Variants in SMG7 observed in about 807,000 individuals in gnomAD.
The protein encoded by SMG7 is nonsense-mediated mRNA decay factor SMG7.
A neutral mutation model predicts 148.2 loss-of-function variants in SMG7; 34 were observed. The observed-to-expected ratio is 0.23, with a 90% CI of 0.17 to 0.31. SMG7 has a LOEUF of 0.31. SMG7 is among the 10% of genes least tolerant of loss of function. The probability of loss-of-function intolerance (pLI) is 1.00; values close to 1 mark genes in which losing one functional copy is unlikely to be tolerated. For synonymous variants in SMG7, 492 were observed against 515.1 expected, an observed-to-expected ratio of 0.96 and a Z score of 0.61; for missense variants, 1,114 against 1,408.4, an observed-to-expected ratio of 0.79 and a Z score of 3.35.
rs545891663 is a variant in SMG7, at chr1:183,508,108, CTGTA to C, written c.30-4726_30-4723del. On this transcript the variant is annotated intron_variant, in intron 1 of 22. Coordinates refer to ENST00000688051, the MANE Select transcript of SMG7 (RefSeq NM_001375584.1). ...AAAACATTTTAAAGTTCTTGCCTCT[CTGTA>C]TGAGCATTGGCTGTAAACTTCAATG... 3,108 of 961,024 alleles carry C rather than the reference CTGTA, an allele frequency of 3.2e-3. 7 individuals carry two copies. Among genetic ancestry groups the C allele is most frequent in the Non-Finnish European group, 3.6e-3 (2,886 of 807,818 alleles). The allele number at this position is 961,024 out of a possible 1,614,324, so 59.5% of individuals were successfully genotyped here. A position where few individuals can be genotyped will look rare whatever the true frequency, so the allele number is the denominator to read the frequency against.
In SMG7 at chr1:183,553,216, A is replaced by G. The variant is rs1671335320; in HGVS notation, c.*1285A>G. ...AAGGAAAATAAACTCTTTGTATGAT[A>G]TTTATTAGGAGGAAAGAGGACTGAA... On this transcript the variant is annotated 3_prime_UTR_variant, in exon 23 of 23. Transcript: ENST00000688051. 13 of 1,525,462 alleles carry G rather than the reference A, an allele frequency of 8.5e-6. No homozygotes were observed. Among genetic ancestry groups the G allele is most frequent in the Non-Finnish European group, 1.1e-5 (13 of 1,138,104 alleles). The allele number at this position is 1,525,462 out of a possible 1,614,324, so 94.5% of individuals were successfully genotyped here. A position where few individuals can be genotyped will look rare whatever the true frequency, so the allele number is the denominator to read the frequency against.
chr1:183,528,727 T>A (rs1666344216), intron 6 of SMG7, among the ~76,000 whole-genome samples, 165 bp from the exon 7 acceptor site: 2 of 152,244 alleles, frequency 1.3e-5, no homozygotes, highest in Admixed American at 1.3e-4. Context: ...GTACTGTCGC[T>A]GAAGTGTGCT....
intron 1 of SMG7, among the ~76,000 whole-genome samples, chr1:183,477,458 G>A (rs1652596384): frequency 1.3e-5 from 2 of 151,176 alleles, no homozygotes; most frequent in Admixed American, 1.3e-4. Flanking sequence ...ATACATGTGT[G>A]CATATGTGTA....
At chr1:183,549,960 C>T in intron 20 of SMG7, 37 bp downstream of exon 20, 2 of 1,448,310 alleles carry the variant, frequency 1.4e-6, no homozygotes. Flanking sequence ...CCTTACATTT[C>T]CTGTACACTC....
chr1:183,517,977 G>A (rs1202675917), intron 4 of SMG7, among the ~76,000 whole-genome samples, 157 bp downstream of exon 4: 1 of 152,118 alleles, frequency 6.6e-6, no homozygotes, highest in Non-Finnish European at 1.5e-5. Flanking sequence ...GACAGAGTCT[G>A]ACTTTGTCAC....
chr1:183,489,639 GC>G (rs1656430727), intron 1 of SMG7, among the ~76,000 whole-genome samples: 1 of 152,110 alleles, frequency 6.6e-6, no homozygotes, highest in African/African-American at 2.4e-5. Context: ...TAGAATTATT[GC>G]CTTTGTATTG....
intron 1 of SMG7, among the ~76,000 whole-genome samples, chr1:183,478,941 T>G (rs969431579): frequency 6.6e-6 from 1 of 152,194 alleles, no homozygotes; most frequent in South Asian, 2.1e-4. Context: ...TATTTTAGTT[T>G]AGTTGCTGTA....
intron 4 of SMG7, among the ~76,000 whole-genome samples, chr1:183,520,269 GT>G (rs1162071553): frequency 6.6e-6 from 1 of 151,922 alleles, no homozygotes; most frequent in Admixed American, 6.6e-5. Flanking sequence ...TTGTTTTGTT[GT>G]TGTTAAGTGA....
At chr1:183,548,233 T>C (rs1372554195) in intron 18 of SMG7, among the ~76,000 whole-genome samples, 1 of 152,156 alleles carries the variant, frequency 6.6e-6, no homozygotes, top group East Asian at 1.9e-4. Context: ...TATTAAATAA[T>C]AGCAATAAAA....
intron 4 of SMG7, among the ~76,000 whole-genome samples, chr1:183,524,546 AT>A (rs2102553999): frequency 6.6e-6 from 1 of 152,266 alleles, no homozygotes; most frequent in East Asian, 1.9e-4. Context: ...TATGGAGGTG[AT>A]TTTTATCTTA....
chr1:183,538,781 C>G (rs1668243195), intron 12 of SMG7, among the ~76,000 whole-genome samples: 1 of 152,022 alleles, frequency 6.6e-6, no homozygotes, highest in Non-Finnish European at 1.5e-5. Flanking sequence ...TTATCTTTAG[C>G]CTAGTAACAT....
At chr1:183,540,944 G>A in intron 12 of SMG7, 40 bp from the exon 13 acceptor site, 1 of 1,602,992 alleles carries the variant, frequency 6.2e-7, no homozygotes, top group Non-Finnish European at 8.5e-7. Context: ...AATATCTTTA[G>A]CAATTTAATA....
intron 1 of SMG7, among the ~76,000 whole-genome samples, chr1:183,497,329 A>G (rs2102277031): frequency 6.6e-6 from 1 of 152,296 alleles, no homozygotes; most frequent in Non-Finnish European, 1.5e-5. Context: ...CCTCAGCTTC[A>G]TAGTGTTTTG....
chr1:183,533,450 G>C (rs747208679), intron 9 of SMG7, 124 bp downstream of exon 9: 1 of 1,088,178 alleles, frequency 9.2e-7, no homozygotes, highest in African/African-American at 1.6e-5. Flanking sequence ...TGAATCAGGA[G>C]TTCATAATAA....
At chr1:183,475,645 TACA>T (rs768586018) in intron 1 of SMG7, among the ~76,000 whole-genome samples, 22 of 152,320 alleles carry the variant, frequency 1.4e-4, no homozygotes, top group Admixed American at 3.9e-4. Flanking sequence ...TTCTTTTCCT[TACA>T]AAAGATTCCC....
intron 4 of SMG7, among the ~76,000 whole-genome samples, 199 bp from the exon 5 acceptor site, chr1:183,526,397 G>T (rs538081637): frequency 2.0e-5 from 3 of 151,696 alleles, no homozygotes; most frequent in African/African-American, 4.8e-5. Flanking sequence ...CAAGTGATCC[G>T]CCCGCCTTGG....
intron 1 of SMG7, among the ~76,000 whole-genome samples, chr1:183,489,986 A>G (rs915927781): frequency 3.3e-5 from 5 of 152,240 alleles, no homozygotes; most frequent in East Asian, 1.9e-4. Context: ...TTTGAGCCCC[A>G]TCTCAGACCA....
intron 4 of SMG7, among the ~76,000 whole-genome samples, chr1:183,520,815 A>T (rs1193446170): frequency 6.6e-6 from 1 of 152,200 alleles, no homozygotes; most frequent in Admixed American, 6.5e-5. Context: ...TTGAGGGAGT[A>T]TGGTATTTGT....
Position 183,552,225 on chromosome 1 carries a change from G to C in SMG7, c.*294G>C, listed in dbSNP as rs961587999. ...ATCACCGCCTCTCACCTTCTCCATCGTGCATGTCCCCAGCCACATGGGAAG... is the reference window on the plus strand; with the variant it reads ...ATCACCGCCTCTCACCTTCTCCATCCTGCATGTCCCCAGCCACATGGGAAG... On this transcript the variant is annotated 3_prime_UTR_variant, in exon 23 of 23. Coordinates refer to ENST00000688051, the MANE Select transcript of SMG7 (RefSeq NM_001375584.1). 1 of 1,059,306 alleles carries C rather than the reference G, an allele frequency of 9.4e-7. No homozygotes were observed. The highest frequency in any genetic ancestry group is 1.1e-6 in the Non-Finnish European group (1 of 877,436). 65.6% of individuals were successfully genotyped at this position (1,059,306 alleles called of 1,614,324 possible).
Sources: allele counts gnomAD v4.1 joint callset (sites outside exome capture counted in the v4.1 genomes callset), GRCh38; gene constraint gnomAD v4.1.1; transcripts MANE v1.5; gene names NCBI Gene and HGNC (gene_info 2026-07-23, HGNC 2026-07-21).